Variants in B3GALT1 observed in about 807,000 individuals in gnomAD.
The protein encoded by B3GALT1 is beta-1,3-galactosyltransferase 1.
Under a neutral mutation model 23.2 loss-of-function variants are expected in B3GALT1, and 10 were observed. That is an observed-to-expected ratio of 0.43 (90% CI 0.27 to 0.73). B3GALT1 has a LOEUF of 0.73. Ranked by LOEUF, B3GALT1 falls within the 30% of genes least tolerant of loss-of-function variation. The pLI is 0.21. For missense variants in B3GALT1, 299 were observed against 405.4 expected (o/e 0.74, Z 2.25); for synonymous variants, 156 against 141.5 (o/e 1.10, Z -0.73).
intron 3 of B3GALT1, among the ~76,000 whole-genome samples, chr2:167,797,242 C>T (rs1411684421): frequency 2.6e-5 from 4 of 152,200 alleles, no homozygotes; most frequent in Non-Finnish European, 4.4e-5. Flanking sequence ...GTTTTCTGTT[C>T]CTGCATGAGT....
At chr2:167,326,667 A>T (rs901545658) in intron 1 of B3GALT1, among the ~76,000 whole-genome samples, 6 of 151,808 alleles carry the variant, frequency 4.0e-5, no homozygotes, top group Admixed American at 6.6e-5. Flanking sequence ...CCAGTTTCCT[A>T]GTTTTCCCCT....
At chr2:167,725,069 C>G (rs973384739) in intron 3 of B3GALT1, among the ~76,000 whole-genome samples, 1 of 152,164 alleles carries the variant, frequency 6.6e-6, no homozygotes, top group African/African-American at 2.4e-5. Flanking sequence ...CAGAGAGGTT[C>G]CTATAATACA....
chr2:167,801,653 T>A (rs72880363), intron 3 of B3GALT1, among the ~76,000 whole-genome samples: 4,055 of 152,208 alleles, frequency 0.027, 88 homozygotes, highest in South Asian at 0.069. Context: ...CGGAAAAAAA[T>A]AATAGTGCAT....
At chr2:167,634,781 G>T (rs1685518678) in intron 2 of B3GALT1, among the ~76,000 whole-genome samples, 1 of 152,096 alleles carries the variant, frequency 6.6e-6, no homozygotes, top group African/African-American at 2.4e-5. Flanking sequence ...GTACAAAGAG[G>T]AGCTGGTACC....
intron 3 of B3GALT1, among the ~76,000 whole-genome samples, chr2:167,677,100 CAATT>C (rs1334310926): frequency 6.6e-6 from 1 of 151,930 alleles, no homozygotes; most frequent in African/African-American, 2.4e-5. Flanking sequence ...GGGTGTAGGT[CAATT>C]AATATGAAGT....
At chr2:167,774,480 T>G (rs576330089) in intron 3 of B3GALT1, among the ~76,000 whole-genome samples, 14 of 121,430 alleles carry the variant, frequency 1.2e-4, no homozygotes, top group South Asian at 1.0e-3. Context: ...TGGTTTTTTT[T>G]TTTTGTTTTT....
chr2:167,578,469 C>T (rs989986333), intron 2 of B3GALT1, among the ~76,000 whole-genome samples: 1 of 150,776 alleles, frequency 6.6e-6, no homozygotes, highest in Non-Finnish European at 1.5e-5. Context: ...GAGTTCTAGG[C>T]CAGGATTTTC....
At chr2:167,561,501 A>G (rs2105389269) in intron 2 of B3GALT1, among the ~76,000 whole-genome samples, 1 of 152,192 alleles carries the variant, frequency 6.6e-6, no homozygotes, top group African/African-American at 2.4e-5. Flanking sequence ...CCTTCAAAAA[A>G]TTAATGAATC....
intron 4 of B3GALT1, among the ~76,000 whole-genome samples, chr2:167,851,648 C>T (rs1388634351): frequency 1.3e-5 from 2 of 152,208 alleles, no homozygotes; most frequent in Non-Finnish European, 2.9e-5. Context: ...GGCTGTAAGC[C>T]AGCATTAGAA....
chr2:167,625,767 C>A lies in B3GALT1; in HGVS notation c.-409-21142C>A, dbSNP rs138177829. On this transcript the variant is annotated intron_variant, in intron 2 of 4. Coordinates refer to ENST00000392690, the MANE Select transcript of B3GALT1 (RefSeq NM_020981.4). ...GAAACTGGCTTTTGTTTCTGTCCCC[C>A]CCTTTAATTTATGTAATGATTGTCC... is the stretch of plus-strand genomic sequence containing the variant. 1.2e-3 allele frequency among the ~76,000 whole-genome samples: 175 copies of A among 151,060 alleles called. 1 individual carries two copies. Among genetic ancestry groups the A allele is most frequent in the African/African-American group, 4.0e-3 (167 of 41,240 alleles).
intron 1 of B3GALT1, among the ~76,000 whole-genome samples, chr2:167,382,904 C>T (rs1389215476): frequency 1.3e-5 from 2 of 152,030 alleles, no homozygotes; most frequent in Non-Finnish European, 2.9e-5. Flanking sequence ...TATATATTTA[C>T]TGAAAGAGTT....
intron 2 of B3GALT1, among the ~76,000 whole-genome samples, chr2:167,528,941 C>T (rs933415167): frequency 7.9e-5 from 12 of 152,118 alleles, no homozygotes; most frequent in Admixed American, 7.9e-4. Flanking sequence ...TAAAACTCCT[C>T]TAGAGCTCTG....
chr2:167,318,788 G>A lies in B3GALT1; in HGVS notation c.-511+25454G>A, dbSNP rs1031141468. On this transcript the variant is annotated intron_variant, in intron 1 of 4. Transcript: ENST00000392690. ...CCAGCCTCCCTGGGAGAAATGTTCA[G>A]CTGCTGTGGCCTATAGACTCCTGCT... 7.9e-5 allele frequency among the ~76,000 whole-genome samples: 12 copies of A among 152,034 alleles called. 1 individual carries two copies. The highest frequency in any genetic ancestry group is 2.9e-4 in the African/African-American group (12 of 41,424).
At chr2:167,609,221 G>A (rs542853211) in intron 2 of B3GALT1, among the ~76,000 whole-genome samples, 31 of 152,168 alleles carry the variant, frequency 2.0e-4, no homozygotes, top group South Asian at 4.2e-4. Flanking sequence ...CAATAATAAC[G>A]TATTTGTTCT....
At chr2:167,405,327 AATC>A (rs1437329104) in intron 1 of B3GALT1, among the ~76,000 whole-genome samples, 1 of 152,164 alleles carries the variant, frequency 6.6e-6, no homozygotes, top group African/African-American at 2.4e-5. Context: ...TACTTTTAAT[AATC>A]CTAAATGTGT....
At chr2:167,499,531 A>G (rs142302566) in intron 2 of B3GALT1, among the ~76,000 whole-genome samples, 4 of 152,332 alleles carry the variant, frequency 2.6e-5, no homozygotes, top group Non-Finnish European at 2.9e-5. Flanking sequence ...TTGAATTTCT[A>G]TATTTGATGG....
intron 3 of B3GALT1, among the ~76,000 whole-genome samples, chr2:167,725,121 G>A (rs1012805216): frequency 1.3e-5 from 2 of 152,104 alleles, no homozygotes; most frequent in East Asian, 1.9e-4. Context: ...CCCACAGCTC[G>A]CTCCTGTATT....
At chr2:167,523,823 A>G (rs1683170297) in intron 2 of B3GALT1, among the ~76,000 whole-genome samples, 1 of 152,138 alleles carries the variant, frequency 6.6e-6, no homozygotes, top group Non-Finnish European at 1.5e-5. Context: ...ATATAGTGAT[A>G]TCACAAAGAC....
rs547336433 is a variant in B3GALT1, at chr2:167,716,071, C to G, written c.-352+69105C>G. 794 of 1,571,376 alleles carry G rather than the reference C, an allele frequency of 5.1e-4. 11 individuals are homozygous for G. The South Asian group carries it at 8.4e-3, about 17-fold the overall frequency. ...GTAGCGCCGGGCTCCTCCATAGCGCCAAGCTGCTCTGGCGGTCACCGCAGT... is the reference window on the plus strand; with the variant it reads ...GTAGCGCCGGGCTCCTCCATAGCGCGAAGCTGCTCTGGCGGTCACCGCAGT... On this transcript the variant is annotated intron_variant, in intron 3 of 4. Coordinates refer to ENST00000392690, the MANE Select transcript of B3GALT1 (RefSeq NM_020981.4).
Sources: gnomAD v4.1 joint callset for allele counts (sites outside exome capture counted in the v4.1 genomes callset) on GRCh38, gnomAD v4.1.1 for gene constraint, MANE v1.5 for transcripts, NCBI Gene and HGNC (gene_info 2026-07-23, HGNC 2026-07-21) for gene names.